Variants in PTPRD observed in about 807,000 individuals in gnomAD.
The protein encoded by PTPRD is receptor-type tyrosine-protein phosphatase delta.
In PTPRD, 34 loss-of-function variants were observed where a neutral mutation model predicts 214.5. That is an observed-to-expected ratio of 0.16 (90% confidence interval 0.12 to 0.21). PTPRD has a LOEUF of 0.21. Ranked by LOEUF, PTPRD falls within the 10% of genes least tolerant of loss-of-function variation. The probability of loss-of-function intolerance (pLI) is 1.00; values close to 1 mark genes in which losing one functional copy is unlikely to be tolerated. For missense variants in PTPRD, 2,545 were observed against 2,398.7 expected, an observed-to-expected ratio of 1.06 and a Z score of -1.27; for synonymous variants, 1,128 against 845.7, an observed-to-expected ratio of 1.33 and a Z score of -5.79.
At chr9:9,769,608 G>A (rs976348350) in intron 5 of PTPRD, among the ~76,000 whole-genome samples, 1 of 151,318 alleles carries the variant, frequency 6.6e-6, no homozygotes, top group Non-Finnish European at 1.5e-5. Context: ...TTACAGGCTT[G>A]AGCCACCGTG....
At chr9:9,841,954 T>C (rs1019006359) in intron 5 of PTPRD, among the ~76,000 whole-genome samples, 1 of 150,198 alleles carries the variant, frequency 6.7e-6, no homozygotes, top group Non-Finnish European at 1.5e-5. Context: ...GTTAAAAACA[T>C]TTTTTTTTAT....
chr9:8,754,161 C>T (rs1598785193), intron 11 of PTPRD, among the ~76,000 whole-genome samples: 1 of 152,056 alleles, frequency 6.6e-6, no homozygotes, highest in East Asian at 1.9e-4. Context: ...AAGACTCATT[C>T]TTATAACGAT....
At chr9:9,394,557 T>C (rs534308552) in intron 9 of PTPRD, among the ~76,000 whole-genome samples, 1 of 152,132 alleles carries the variant, frequency 6.6e-6, no homozygotes, top group Non-Finnish European at 1.5e-5. Flanking sequence ...TTTTCTTATA[T>C]GTAAAGATGA....
At chr9:8,623,576 T>G (rs1368774292) in intron 14 of PTPRD, among the ~76,000 whole-genome samples, 1 of 151,936 alleles carries the variant, frequency 6.6e-6, no homozygotes, top group Non-Finnish European at 1.5e-5. Flanking sequence ...ATAATCCTAC[T>G]GATCATAGTA....
chr9:8,785,030 T>C (rs547642063), intron 11 of PTPRD, among the ~76,000 whole-genome samples: 1 of 152,182 alleles, frequency 6.6e-6, no homozygotes, highest in Admixed American at 6.5e-5. Flanking sequence ...CTGCCAGTCC[T>C]GCCTTCTGAG....
At chr9:8,563,482 G>C (rs2087370118) in intron 14 of PTPRD, among the ~76,000 whole-genome samples, 1 of 146,390 alleles carries the variant, frequency 6.8e-6, no homozygotes, top group African/African-American at 2.5e-5. Context: ...CTGTCACCCA[G>C]GCTGGAGTGC....
intron 9 of PTPRD, among the ~76,000 whole-genome samples, chr9:9,191,644 G>A (rs2099935259): frequency 6.6e-6 from 1 of 152,060 alleles, no homozygotes; most frequent in Non-Finnish European, 1.5e-5. Flanking sequence ...GACCATATCT[G>A]AAGTTGAAAG....
At chr9:9,481,562 G>A (rs1169304069) in intron 8 of PTPRD, among the ~76,000 whole-genome samples, 1 of 151,758 alleles carries the variant, frequency 6.6e-6, no homozygotes, top group Admixed American at 6.6e-5. Context: ...GAAGAAAAAT[G>A]AATATAAAAA....
chr9:9,316,105 T>G (rs779877350), intron 9 of PTPRD, among the ~76,000 whole-genome samples: 4 of 151,968 alleles, frequency 2.6e-5, no homozygotes, highest in Non-Finnish European at 5.9e-5. Context: ...AATTAGGATG[T>G]GCTTGCTTGA....
chr9:10,432,369 T>A (rs2098688441), intron 2 of PTPRD, among the ~76,000 whole-genome samples: 1 of 151,384 alleles, frequency 6.6e-6, no homozygotes, highest in African/African-American at 2.4e-5. Context: ...CGCACCAGCA[T>A]GGCACATGTA....
chr9:9,727,296 A>G (rs2098112903), intron 7 of PTPRD, among the ~76,000 whole-genome samples: 1 of 152,074 alleles, frequency 6.6e-6, no homozygotes, highest in South Asian at 2.1e-4. Flanking sequence ...CTAAAAATAC[A>G]AAAAGTTAGC....
chr9:9,977,496 C>G (rs920260758), intron 4 of PTPRD, among the ~76,000 whole-genome samples: 8 of 152,058 alleles, frequency 5.3e-5, no homozygotes, highest in African/African-American at 1.7e-4. Context: ...AACATATTAT[C>G]ATAAGTAGCA....
In PTPRD at chr9:8,316,643, G is replaced by GTGTT. The variant is rs963375683; in HGVS notation, c.*1227_*1230dup. 11 of 230,770 alleles carry GTGTT rather than the reference G, an allele frequency of 4.8e-5. No homozygotes were observed. The highest frequency in any genetic ancestry group is 4.3e-4 in the East Asian group (7 of 16,256). The allele number at this position is 230,770 out of a possible 1,614,324, so 14.3% of individuals were successfully genotyped here. On this transcript the variant is annotated 3_prime_UTR_variant, in exon 46 of 46. Coordinates refer to ENST00000381196, the MANE Select transcript of PTPRD (RefSeq NM_002839.4). Reference sequence around the variant, plus strand: ...TAATAATAATTTTTATTGCACTAGAGTGTTAGAAATATTGAACTTTGTTGG... The same window carrying GTGTT: ...TAATAATAATTTTTATTGCACTAGAGTGTTTGTTAGAAATATTGAACTTTGTTGG...
rs186616765 is a variant in PTPRD, at chr9:9,973,217, C to T, written c.-471-34607G>A. Reference sequence around the variant, plus strand: ...GTGGCTCATGCCTGTAATCCCAGCACTTTGAAAGGCCAAAGCGGGAGGATT... The same window carrying T: ...GTGGCTCATGCCTGTAATCCCAGCATTTTGAAAGGCCAAAGCGGGAGGATT... On this transcript the variant is annotated intron_variant, in intron 4 of 45. Transcript: ENST00000381196. 8.1e-3 allele frequency among the ~76,000 whole-genome samples: 1,210 copies of T among 149,360 alleles called. 7 individuals carry two copies. Among genetic ancestry groups the T allele is most frequent in the Non-Finnish European group, 0.014 (954 of 67,730 alleles).
intron 3 of PTPRD, among the ~76,000 whole-genome samples, chr9:10,310,464 G>A (rs1374329075): frequency 6.6e-6 from 1 of 152,010 alleles, no homozygotes; most frequent in South Asian, 2.1e-4. Flanking sequence ...ATCTAGTCAA[G>A]TTCAATATAA....
In PTPRD at chr9:8,676,065, A is replaced by G. The variant is rs117644877; in HGVS notation, c.65-39221T>C. ...AGTGCCTTTCATACAAACCTATACA[A>G]TAACCACAGCAAACTATCTCCAGGT... On this transcript the variant is annotated intron_variant, in intron 12 of 45. Coordinates refer to ENST00000381196, the MANE Select transcript of PTPRD (RefSeq NM_002839.4). Among the ~76,000 whole-genome samples the G allele has an allele frequency of 3.6e-4, 55 of 152,302 alleles. 1 individual carries two copies. In the East Asian group the frequency reaches 8.3e-3, roughly 23 times the overall value.
intron 11 of PTPRD, among the ~76,000 whole-genome samples, chr9:8,743,684 C>T (rs759017141): frequency 2.1e-4 from 32 of 151,786 alleles, no homozygotes; most frequent in Non-Finnish European, 3.5e-4. Context: ...TTCTAGACAT[C>T]GGCTTAGGCA....
intron 2 of PTPRD, among the ~76,000 whole-genome samples, chr9:10,543,489 C>CAG (rs2135382651): frequency 1.3e-5 from 2 of 151,272 alleles, no homozygotes; most frequent in South Asian, 4.2e-4. Context: ...TACACACACA[C>CAG]ACACACACAC....
chr9:8,524,854 C>A, intron 18 of PTPRD, 71 bp downstream of exon 18: 1 of 1,241,360 alleles, frequency 8.1e-7, no homozygotes, highest in Non-Finnish European at 1.2e-6. Context: ...TATAACAACA[C>A]GGACCCTGCG....
Sources: gnomAD v4.1 joint callset for allele counts (sites outside exome capture counted in the v4.1 genomes callset) on GRCh38, gnomAD v4.1.1 for gene constraint, MANE v1.5 for transcripts, NCBI Gene and HGNC (gene_info 2026-07-23, HGNC 2026-07-21) for gene names.